The following FHIT variants were observed in gnomAD, a reference collection of about 807,000 sequenced individuals.
FHIT encodes bis(5'-adenosyl)-triphosphatase.
FHIT carries 19 observed loss-of-function variants against 17.9 expected under a neutral mutation model. The ratio of observed to expected loss-of-function variants is 1.06; its 90% confidence interval spans 0.74 to 1.56. The LOEUF (loss-of-function observed/expected upper bound fraction) is 1.56. Among genes scored for constraint, FHIT ranks in the 40% most tolerant of loss-of-function variants. The pLI is 0.00. For synonymous variants in FHIT, 81 were observed against 69.7 expected (o/e 1.16, Z -0.81); for missense variants, 248 against 189.2 (o/e 1.31, Z -1.82).
chr3:59,984,637 G>C (rs771881403), intron 7 of FHIT, among the ~76,000 whole-genome samples: 42 of 152,072 alleles, frequency 2.8e-4, no homozygotes, highest in Non-Finnish European at 5.3e-4. Flanking sequence ...GTGAGTCCCA[G>C]AGAATGGAAC....
At chr3:61,157,793 G>T (rs747542793) in intron 2 of FHIT, among the ~76,000 whole-genome samples, 1 of 152,076 alleles carries the variant, frequency 6.6e-6, no homozygotes, top group Non-Finnish European at 1.5e-5. Flanking sequence ...ATTCATAGAA[G>T]AAAATTTAAA....
intron 5 of FHIT, among the ~76,000 whole-genome samples, chr3:60,473,364 C>T (rs1250925222): frequency 3.9e-5 from 6 of 152,168 alleles, no homozygotes; most frequent in Non-Finnish European, 7.4e-5. Flanking sequence ...AATTAAGAAC[C>T]TATTCAACAT....
In FHIT at chr3:59,891,705, T is replaced by C. The variant is rs376564294; in HGVS notation, c.348+30641A>G. ...GTCATCTCTTCGATGGGCATTCACA[T>C]AGGGCTAGGTGTGCCCTTGCTTTAT... On this transcript the variant is annotated intron_variant, in intron 8 of 9. Coordinates refer to ENST00000492590, the MANE Select transcript of FHIT (RefSeq NM_002012.4). Among the ~76,000 whole-genome samples, 9 of 152,336 alleles carry C rather than the reference T, an allele frequency of 5.9e-5. 1 individual carries two copies. The highest frequency in any genetic ancestry group is 1.9e-4 in the African/African-American group (8 of 41,574).
At chr3:60,205,662 G>C (rs746658220) in intron 5 of FHIT, among the ~76,000 whole-genome samples, 3 of 152,110 alleles carry the variant, frequency 2.0e-5, no homozygotes, top group African/African-American at 7.2e-5. Context: ...GGATAGTACC[G>C]AGTGAAAACA....
chr3:60,175,959 C>A (rs1019568122), intron 5 of FHIT, among the ~76,000 whole-genome samples: 2 of 152,142 alleles, frequency 1.3e-5, no homozygotes, highest in African/African-American at 4.8e-5. Context: ...ATGGTGGCCA[C>A]TAACCACATA....
chr3:60,243,941 A>G (rs1705260971), intron 5 of FHIT, among the ~76,000 whole-genome samples: 1 of 152,096 alleles, frequency 6.6e-6, no homozygotes, highest in South Asian at 2.1e-4. Flanking sequence ...TATTTCAGGA[A>G]TCCTGACGTT....
intron 5 of FHIT, among the ~76,000 whole-genome samples, chr3:60,374,127 T>C (rs554706988): frequency 6.6e-6 from 1 of 152,320 alleles, no homozygotes; most frequent in Admixed American, 6.5e-5. Flanking sequence ...TTTGACCTTG[T>C]CAGATGCTTA....
At chr3:60,643,293 G>A (rs1553685879) in intron 4 of FHIT, among the ~76,000 whole-genome samples, 1 of 151,720 alleles carries the variant, frequency 6.6e-6, no homozygotes, top group East Asian at 1.9e-4. Context: ...CTCATAGATG[G>A]GTAGAATCAA....
At chr3:60,950,992 A>G (rs1553777105) in intron 3 of FHIT, among the ~76,000 whole-genome samples, 1 of 152,202 alleles carries the variant, frequency 6.6e-6, no homozygotes, top group East Asian at 1.9e-4. Flanking sequence ...TAGAAGAGAA[A>G]TGCCAAAACA....
At chr3:60,281,276 T>A (rs1707439041) in intron 5 of FHIT, among the ~76,000 whole-genome samples, 1 of 152,190 alleles carries the variant, frequency 6.6e-6, no homozygotes, top group African/African-American at 2.4e-5. Context: ...AACTTGATTA[T>A]ACATTCAACG....
At chr3:60,146,602 T>C (rs916786654) in intron 5 of FHIT, among the ~76,000 whole-genome samples, 11 of 152,070 alleles carry the variant, frequency 7.2e-5, no homozygotes, top group African/African-American at 2.7e-4. Context: ...ATCACCCAGT[T>C]TGGGAGCTAG....
chr3:60,669,158 A>G (rs2040452349), intron 4 of FHIT, among the ~76,000 whole-genome samples: 1 of 152,254 alleles, frequency 6.6e-6, no homozygotes, highest in Admixed American at 6.5e-5. Flanking sequence ...GTACTTATAC[A>G]TGAATGAATG....
At chr3:60,444,032 G>T (rs1361260048) in intron 5 of FHIT, among the ~76,000 whole-genome samples, 2 of 152,052 alleles carry the variant, frequency 1.3e-5, no homozygotes, top group Non-Finnish European at 2.9e-5. Flanking sequence ...ACTGGGTGAA[G>T]GATATGAACA....
intron 4 of FHIT, among the ~76,000 whole-genome samples, chr3:60,583,356 G>C (rs1443714174): frequency 1.3e-5 from 2 of 151,892 alleles, no homozygotes; most frequent in Non-Finnish European, 2.9e-5. Flanking sequence ...CCTAGATCAG[G>C]GGTTGTCAAA....
intron 5 of FHIT, among the ~76,000 whole-genome samples, chr3:60,069,808 G>C (rs1198812423): frequency 6.6e-6 from 1 of 152,156 alleles, no homozygotes; most frequent in Non-Finnish European, 1.5e-5. Flanking sequence ...TCCATCCTTA[G>C]AGGGGTTTAC....
chr3:59,760,832 A>ATT (rs36036988), intron 8 of FHIT, among the ~76,000 whole-genome samples: 71 of 146,176 alleles, frequency 4.9e-4, no homozygotes, highest in African/African-American at 1.0e-3. Flanking sequence ...TTTAGAGGTA[A>ATT]TTTTTTTTTT....
In FHIT at chr3:60,359,898, T is replaced by C. The variant is rs143308281; in HGVS notation, c.103+176962A>G. On this transcript the variant is annotated intron_variant, in intron 5 of 9. Transcript: ENST00000492590. ...CAACAATGATGGGAAATGCAGGATG[T>C]AGCAGAGATCCTTAAAAGCAATTAG... Among the ~76,000 whole-genome samples the C allele has an allele frequency of 4.2e-4, 63 of 151,172 alleles. No homozygotes were observed. The East Asian group carries it at 0.012, about 28-fold the overall frequency.
intron 2 of FHIT, among the ~76,000 whole-genome samples, chr3:61,175,186 AAAC>A (rs2038121477): frequency 6.6e-6 from 1 of 152,108 alleles, no homozygotes; most frequent in Admixed American, 6.5e-5. Flanking sequence ...CACATTTAAA[AAAC>A]AATAACAAAA....
chr3:61,080,744 G>C (rs899117166), intron 2 of FHIT, among the ~76,000 whole-genome samples: 1 of 151,884 alleles, frequency 6.6e-6, no homozygotes, highest in Admixed American at 6.6e-5. Flanking sequence ...TTCTTTCGGT[G>C]CCAAAAAAGA....
Sources: gnomAD v4.1 joint callset for allele counts (sites outside exome capture counted in the v4.1 genomes callset) on GRCh38, gnomAD v4.1.1 for gene constraint, MANE v1.5 for transcripts, NCBI Gene and HGNC (gene_info 2026-07-23, HGNC 2026-07-21) for gene names.